SORCS1: variants seen among roughly 807,000 people sequenced by gnomAD.
SORCS1 encodes the protein VPS10 domain-containing receptor SorCS1.
A neutral mutation model predicts 146.1 loss-of-function variants in SORCS1; 60 were observed. The observed-to-expected ratio is 0.41, with a 90% CI of 0.33 to 0.51. The LOEUF is 0.51. Among genes scored for constraint, SORCS1 ranks in the 20% least tolerant of loss-of-function variants. SORCS1 has a pLI of 0.21. For synonymous variants in SORCS1, 637 were observed against 584.0 expected (o/e 1.09, Z -1.31); for missense variants, 1,352 against 1,487.6 (o/e 0.91, Z 1.50).
rs540693127 is a variant in SORCS1 at position 107,129,190 on chromosome 10, G to A, written c.558+34779C>T. The stretch of plus-strand genomic sequence containing the variant: ...AAGTACCACATGCATGATAATAGCT[G>A]TCTAGATACAGCAAATAGATATAAG... On this transcript the variant is annotated intron_variant, in intron 1 of 25. Transcript: ENST00000263054. Among the ~76,000 whole-genome samples the A allele has an allele frequency of 5.3e-4, 80 of 152,310 alleles. 1 individual carries two copies. Among genetic ancestry groups the A allele is most frequent in the Non-Finnish European group, 8.7e-4 (59 of 68,032 alleles).
At chr10:106,893,062 T>C (rs76247536) in intron 2 of SORCS1, among the ~76,000 whole-genome samples, 3,776 of 151,278 alleles carry the variant, frequency 0.025, 141 homozygotes, top group African/African-American at 0.085. Context: ...GCCCAGCTAG[T>C]TTTTTGTATT....
At chr10:106,759,689 T>C (rs1437998280) in intron 5 of SORCS1, among the ~76,000 whole-genome samples, 1 of 152,204 alleles carries the variant, frequency 6.6e-6, no homozygotes, top group Admixed American at 6.5e-5. Context: ...GGGGATGAAC[T>C]GAGGCAGTTA....
chr10:106,633,973 G>A (rs914330358), intron 18 of SORCS1, among the ~76,000 whole-genome samples: 2 of 152,176 alleles, frequency 1.3e-5, no homozygotes, highest in Non-Finnish European at 2.9e-5. Context: ...TCTTGTGGTC[G>A]GATACATCTG....
intron 2 of SORCS1, among the ~76,000 whole-genome samples, chr10:106,830,578 CTT>C (rs769894046): frequency 2.1e-4 from 29 of 135,596 alleles, no homozygotes; most frequent in East Asian, 1.1e-3. Context: ...TTTTTTTTTC[CTT>C]TTTTTTTTTT....
chr10:107,128,810 C>T (rs545880450), intron 1 of SORCS1, among the ~76,000 whole-genome samples: 1 of 152,288 alleles, frequency 6.6e-6, no homozygotes, highest in East Asian at 1.9e-4. Flanking sequence ...CATTTCTCCC[C>T]ACTGCCCTTT....
chr10:106,790,155 A>T (rs112171258), intron 3 of SORCS1, among the ~76,000 whole-genome samples: 1,656 of 152,294 alleles, frequency 0.011, 28 homozygotes, highest in African/African-American at 0.037. Flanking sequence ...ATTCATAAAC[A>T]ATTGATACTG....
the SORCS1 span, among the ~76,000 whole-genome samples, chr10:107,172,769 G>T: frequency 6.6e-6 from 1 of 152,118 alleles, no homozygotes; most frequent in African/African-American, 2.4e-5. Flanking sequence ...GTCACATAAA[G>T]CTAAATTTAC....
At chr10:106,614,476 G>A (rs1847221244) in intron 21 of SORCS1, among the ~76,000 whole-genome samples, 1 of 152,172 alleles carries the variant, frequency 6.6e-6, no homozygotes, top group Non-Finnish European at 1.5e-5. Flanking sequence ...ACTATTTTAT[G>A]AGTCACTGGT....
At chr10:107,088,646 T>C (rs1963947694) in intron 1 of SORCS1, among the ~76,000 whole-genome samples, 1 of 152,226 alleles carries the variant, frequency 6.6e-6, no homozygotes, top group African/African-American at 2.4e-5. Context: ...TGGCTTTTTG[T>C]CTTTAATCTC....
intron 20 of SORCS1, 78 bp downstream of exon 20, chr10:106,620,350 C>A: frequency 1.3e-6 from 2 of 1,538,808 alleles, no homozygotes; most frequent in South Asian, 1.3e-5. Flanking sequence ...GGTTCATAAG[C>A]CATTTCATTC....
intron 2 of SORCS1, among the ~76,000 whole-genome samples, chr10:106,949,723 A>G (rs958946275): frequency 1.3e-5 from 2 of 152,152 alleles, no homozygotes; most frequent in Admixed American, 6.5e-5. Context: ...AGAAGTACAT[A>G]CTTCTGGAGA....
chr10:107,014,328 G>A (rs1957811116), intron 1 of SORCS1, among the ~76,000 whole-genome samples: 2 of 151,514 alleles, frequency 1.3e-5, no homozygotes, highest in African/African-American at 4.9e-5. Context: ...AGGGGAGAAG[G>A]AAGAAAACAT....
At chr10:107,163,914 G>A in intron 1 of SORCS1, 55 bp downstream of exon 1, 3 of 1,548,366 alleles carry the variant, frequency 1.9e-6, no homozygotes, top group South Asian at 2.4e-5. Flanking sequence ...TCACACAGCC[G>A]ACTTTAACCC....
At chr10:106,751,423 T>C (rs1291663832) in intron 5 of SORCS1, among the ~76,000 whole-genome samples, 5 of 152,174 alleles carry the variant, frequency 3.3e-5, no homozygotes, top group Non-Finnish European at 7.4e-5. Context: ...GCTTTCTGAG[T>C]TCTTCTCCTG....
intron 2 of SORCS1, among the ~76,000 whole-genome samples, chr10:106,944,883 T>G: frequency 8.8e-6 from 1 of 113,758 alleles, no homozygotes; most frequent in Non-Finnish European, 1.8e-5. Flanking sequence ...TCTTTTTTTT[T>G]TTTTTTTTTT....
intron 2 of SORCS1, among the ~76,000 whole-genome samples, chr10:106,883,187 AC>A (rs1950870314): frequency 6.6e-6 from 1 of 152,164 alleles, no homozygotes; most frequent in Non-Finnish European, 1.5e-5. Context: ...CTTGTAGCCG[AC>A]CTGAGATACA....
intron 2 of SORCS1, among the ~76,000 whole-genome samples, chr10:106,830,808 A>G (rs775509241): frequency 2.0e-5 from 3 of 151,940 alleles, no homozygotes; most frequent in African/African-American, 4.8e-5. Context: ...AGGCACAAGA[A>G]TCACTTGAAA....
chr10:106,661,402 A>G (rs1431327913), intron 17 of SORCS1, among the ~76,000 whole-genome samples: 1 of 152,224 alleles, frequency 6.6e-6, no homozygotes, highest in Non-Finnish European at 1.5e-5. Flanking sequence ...ATAGGTTACT[A>G]TTTTTGTTTT....
chr10:106,746,039 C>G (rs1200145789), intron 5 of SORCS1, among the ~76,000 whole-genome samples: 2 of 152,068 alleles, frequency 1.3e-5, no homozygotes. Context: ...TCAAAACTGT[C>G]CAGGTCATCA....
Sources: gnomAD v4.1 joint callset for allele counts (sites outside exome capture counted in the v4.1 genomes callset) on GRCh38, gnomAD v4.1.1 for gene constraint, MANE v1.5 for transcripts, NCBI Gene and HGNC (gene_info 2026-07-23, HGNC 2026-07-21) for gene names.